The following RALYL variants were observed in gnomAD, a reference collection of about 807,000 sequenced individuals.
RALYL encodes RNA-binding Raly-like protein.
In RALYL, 29 loss-of-function variants were observed where a neutral mutation model predicts 35.1. That is an observed-to-expected ratio of 0.83 (90% CI 0.61 to 1.13). The LOEUF is 1.13. Ranked by LOEUF, RALYL falls within the 50% of genes most tolerant of loss-of-function variation. The pLI is 0.00. For missense variants in RALYL, 359 were observed against 360.4 expected (o/e 1.00, Z 0.03); for synonymous variants, 120 against 127.6 (o/e 0.94, Z 0.40).
At chr8:84,370,752 GCA>G (rs1721200666) in intron 1 of RALYL, among the ~76,000 whole-genome samples, 1 of 151,974 alleles carries the variant, frequency 6.6e-6, no homozygotes, top group African/African-American at 2.4e-5. Flanking sequence ...GTATAAATGT[GCA>G]AGTTTGTAGA....
chr8:84,792,020 C>G (rs1169939416), intron 3 of RALYL, among the ~76,000 whole-genome samples: 2 of 152,194 alleles, frequency 1.3e-5, no homozygotes, highest in Non-Finnish European at 2.9e-5. Flanking sequence ...GGTGCAGAAG[C>G]CAAAGCAAGC....
At chr8:84,573,152 A>G (rs1319851370) in intron 2 of RALYL, among the ~76,000 whole-genome samples, 2 of 151,224 alleles carry the variant, frequency 1.3e-5, no homozygotes, top group Non-Finnish European at 3.0e-5. Context: ...TTGTCTTTTA[A>G]ATAAATTTAA....
chr8:84,669,486 C>CT (rs1832774059), intron 2 of RALYL, among the ~76,000 whole-genome samples: 1 of 22,260 alleles, frequency 4.5e-5, no homozygotes, highest in Non-Finnish European at 9.6e-5. Flanking sequence ...TCCCTCCCCC[C>CT]TCCCCCCCCC....
intron 1 of RALYL, among the ~76,000 whole-genome samples, chr8:84,288,322 T>C (rs566909781): frequency 2.5e-4 from 38 of 152,350 alleles, no homozygotes; most frequent in African/African-American, 9.1e-4. Flanking sequence ...TGAGTGCCAC[T>C]GTGCTACAGT....
At chr8:84,501,614 AC>A (rs1304864885) in intron 1 of RALYL, among the ~76,000 whole-genome samples, 1 of 151,942 alleles carries the variant, frequency 6.6e-6, no homozygotes, top group African/African-American at 2.4e-5. Flanking sequence ...TTGGAAAATC[AC>A]TAGGATAAAT....
chr8:84,727,190 G>C (rs371162124), intron 2 of RALYL, among the ~76,000 whole-genome samples: 3 of 151,922 alleles, frequency 2.0e-5, no homozygotes, highest in African/African-American at 7.3e-5. Flanking sequence ...ACTTAGAAGC[G>C]TGACATTCAT....
intron 2 of RALYL, among the ~76,000 whole-genome samples, chr8:84,674,978 TAAA>T: frequency 7.0e-6 from 1 of 143,168 alleles, no homozygotes. Flanking sequence ...AGTGCAGATG[TAAA>T]AAAAAAAAAG....
chr8:84,905,731 C>G (rs903029834), intron 8 of RALYL, among the ~76,000 whole-genome samples: 1 of 141,906 alleles, frequency 7.0e-6, no homozygotes, highest in South Asian at 2.2e-4. Context: ...GAGTCTTGCT[C>G]TGTCGCCCAG....
chr8:84,874,940 A>T (rs1389469286), intron 7 of RALYL, among the ~76,000 whole-genome samples: 3 of 152,184 alleles, frequency 2.0e-5, no homozygotes, highest in Non-Finnish European at 4.4e-5. Flanking sequence ...TTTTTAAAAA[A>T]CATAAGCCAT....
intron 1 of RALYL, among the ~76,000 whole-genome samples, chr8:84,514,154 A>G (rs1265952651): frequency 8.4e-5 from 5 of 59,528 alleles, no homozygotes; most frequent in Admixed American, 1.7e-4. Flanking sequence ...AGGAATACCT[A>G]AATACCTATG....
chr8:84,458,472 G>A (rs1322350774), intron 1 of RALYL, among the ~76,000 whole-genome samples: 1 of 151,662 alleles, frequency 6.6e-6, no homozygotes, highest in Non-Finnish European at 1.5e-5. Flanking sequence ...ATCAAGTCTT[G>A]AGTCTTGTAA....
rs193043310 is a variant in RALYL, at chr8:84,880,430, A to G, written c.685+7033A>G. Among the ~76,000 whole-genome samples the G allele has an allele frequency of 5.5e-4, 83 of 152,066 alleles. No homozygotes were observed. In the East Asian group the frequency reaches 0.014, roughly 26 times the overall value. The stretch of plus-strand genomic sequence containing the variant: ...TTTCTCCTCACTTTCCTACCTAGAT[A>G]TACTCCTCTGTACCCTATCTCTGTC... On this transcript the variant is annotated intron_variant, in intron 7 of 8. Coordinates refer to ENST00000521268, the MANE Select transcript of RALYL (RefSeq NM_173848.7).
At chr8:84,380,685 T>A (rs1306688879) in intron 1 of RALYL, among the ~76,000 whole-genome samples, 1 of 151,936 alleles carries the variant, frequency 6.6e-6, no homozygotes, top group East Asian at 1.9e-4. Flanking sequence ...GTGTCTCTTC[T>A]TATTGAAAGG....
chr8:84,706,097 G>A (rs906168591), intron 2 of RALYL: 3 of 1,526,244 alleles, frequency 2.0e-6, no homozygotes, highest in Non-Finnish European at 2.6e-6. Context: ...CATATCACTG[G>A]GGTAGGGAAA....
intron 2 of RALYL, among the ~76,000 whole-genome samples, chr8:84,657,395 C>T (rs1271708873): frequency 6.6e-6 from 1 of 152,152 alleles, no homozygotes; most frequent in Non-Finnish European, 1.5e-5. Flanking sequence ...AGCTTCTCTT[C>T]CTTCCCAGAA....
At chr8:84,709,975 C>T (rs529761568) in intron 2 of RALYL, among the ~76,000 whole-genome samples, 2 of 152,004 alleles carry the variant, frequency 1.3e-5, no homozygotes, top group Admixed American at 6.6e-5. Context: ...GCACAATAAT[C>T]GCTTGAACCC....
intron 2 of RALYL, among the ~76,000 whole-genome samples, chr8:84,575,578 A>G (rs1035605674): frequency 6.6e-6 from 1 of 152,194 alleles, no homozygotes; most frequent in Non-Finnish European, 1.5e-5. Flanking sequence ...TCTTGCTGAC[A>G]CAGCAAAGGC....
Position 84,913,043 on chromosome 8 carries a change from GATA to G in RALYL, c.859-7850_859-7848del, listed in dbSNP as rs1563856741. Among the ~76,000 whole-genome samples the G allele has an allele frequency of 2.5e-3, 347 of 141,098 alleles. 1 individual carries two copies. Among genetic ancestry groups the G allele is most frequent in the African/African-American group, 5.7e-3 (213 of 37,646 alleles). The allele number at this position is 141,098 out of a possible 152,430, so 92.6% of individuals were successfully genotyped here. On this transcript the variant is annotated intron_variant, in intron 8 of 8. Transcript: ENST00000521268. ...GGATGGATGGATGGATAGGTAGGTA[GATA>G]GATAGATAGATAGATAGATAGATAG...
chr8:84,376,279 TGACC>T (rs1234436355), intron 1 of RALYL, among the ~76,000 whole-genome samples: 1 of 151,946 alleles, frequency 6.6e-6, no homozygotes, highest in Non-Finnish European at 1.5e-5. Flanking sequence ...TGACAGTGCT[TGACC>T]AGTAAAATTT....
Sources: gnomAD v4.1 joint callset for allele counts (sites outside exome capture counted in the v4.1 genomes callset) on GRCh38, gnomAD v4.1.1 for gene constraint, MANE v1.5 for transcripts, NCBI Gene and HGNC (gene_info 2026-07-23, HGNC 2026-07-21) for gene names.